The following NPAT variants were observed in gnomAD, a reference collection of about 807,000 sequenced individuals.
NPAT encodes the protein protein NPAT.
In NPAT, 52 loss-of-function variants were observed where a neutral mutation model predicts 130.7. That is an observed-to-expected ratio of 0.40 (90% confidence interval 0.32 to 0.50). The LOEUF is 0.50. Among genes scored for constraint, NPAT ranks in the 20% least tolerant of loss-of-function variants. NPAT has a pLI of 0.68. For synonymous variants in NPAT, 580 were observed against 584.8 expected (o/e 0.99, Z 0.12); for missense variants, 1,687 against 1,662.6 (o/e 1.01, Z -0.26).
chr11:108,165,470 A>G (rs56789301), intron 15 of NPAT, among the ~76,000 whole-genome samples: 6 of 117,862 alleles, frequency 5.1e-5, no homozygotes, highest in African/African-American at 2.0e-4. Context: ...ATATATATAT[A>G]TATTTTTTTT....
chr11:108,194,466 TTTG>T (rs1402782136), intron 2 of NPAT, among the ~76,000 whole-genome samples: 1 of 152,216 alleles, frequency 6.6e-6, no homozygotes, highest in Non-Finnish European at 1.5e-5. Flanking sequence ...CTATCTACAA[TTTG>T]TTATTTGTTC....
intron 15 of NPAT, among the ~76,000 whole-genome samples, chr11:108,163,765 A>G (rs2077875450): frequency 6.6e-6 from 1 of 152,222 alleles, no homozygotes; most frequent in South Asian, 2.1e-4. Context: ...AAGTAAGGTA[A>G]GAATGGAAAA....
Position 108,161,419 on chromosome 11 carries a change from C to A in NPAT, c.3667G>T (p.Val1223Leu). 1 of 1,614,204 alleles carries A rather than the reference C, an allele frequency of 6.2e-7. No homozygotes were observed. The highest frequency in any genetic ancestry group is 1.1e-5 in the South Asian group (1 of 91,082). ...TTTAGATCCTTCACAGCTGTACCTA[C>A]TGAAAGTACATTTTTATTGTTTGAA... is the stretch of plus-strand genomic sequence containing the variant. ...TSSNNKNVLS[V>L]GTAVKDLKQE... The change falls in exon 17 of 18, where the codon GTA becomes TTA. Residue 1223 changes from valine (V) to leucine (L), a missense_variant. Physicochemically the swap from Val to Leu is conservative, Grantham distance 32. Transcript: ENST00000278612.
At chr11:108,165,885 G>A (rs895840121) in intron 15 of NPAT, among the ~76,000 whole-genome samples, 2 of 150,988 alleles carry the variant, frequency 1.3e-5, no homozygotes, top group Admixed American at 6.6e-5. Context: ...CGCCTGCCTC[G>A]GCCTCCCAAA....
chr11:108,218,289 C>T (rs917002106), intron 1 of NPAT, among the ~76,000 whole-genome samples: 1 of 151,592 alleles, frequency 6.6e-6, no homozygotes, highest in Non-Finnish European at 1.5e-5. Context: ...GGGAAACAAC[C>T]GAAAAAGAGA....
intron 1 of NPAT, among the ~76,000 whole-genome samples, chr11:108,199,128 G>A (rs1342207047): frequency 1.3e-5 from 2 of 152,180 alleles, no homozygotes; most frequent in Admixed American, 6.5e-5. Context: ...TGCTGTGGGC[G>A]GTGGGAAGGA....
chr11:108,216,594 A>T (rs568098910), intron 1 of NPAT, among the ~76,000 whole-genome samples: 3 of 152,242 alleles, frequency 2.0e-5, no homozygotes, highest in African/African-American at 7.2e-5. Flanking sequence ...CCCAGACAGA[A>T]TACAGTGATA....
chr11:108,173,027 C>G lies in NPAT; in HGVS notation c.1957G>C (p.Ala653Pro), dbSNP rs1344865133. ...TCCTGTGAATTCTCAGACTTGGATG[C>G]CTGAGCTTCATTTTCTGTATGATTT... ...ELNHTENEAQ[A>P]SKSENSQEPS... Residue 653 changes from alanine to proline, a missense_variant, in exon 13 of 18, where the codon GCA becomes CCA. Ala to Pro is a conservative substitution (Grantham distance 27). Coordinates refer to ENST00000278612, the MANE Select transcript of NPAT (RefSeq NM_002519.3). 1 of 1,613,772 alleles carries G rather than the reference C, an allele frequency of 6.2e-7. No individual in the cohort carries two copies. The highest frequency in any genetic ancestry group is 8.5e-7 in the Non-Finnish European group (1 of 1,179,800).
At chr11:108,200,114 T>C (rs996274187) in intron 1 of NPAT, among the ~76,000 whole-genome samples, 3 of 152,166 alleles carry the variant, frequency 2.0e-5, no homozygotes, top group Non-Finnish European at 4.4e-5. Flanking sequence ...GGGCAAGAGG[T>C]TATTTCCCTC....
chr11:108,218,803 G>C (rs1281540769), intron 1 of NPAT, among the ~76,000 whole-genome samples: 2 of 152,142 alleles, frequency 1.3e-5, no homozygotes, highest in African/African-American at 2.4e-5. Context: ...GTCCAGTTTG[G>C]ATGCAGCACA....
At chr11:108,176,876 T>C (rs751863073) in intron 11 of NPAT, 118 bp downstream of exon 11, 16 of 683,928 alleles carry the variant, frequency 2.3e-5, no homozygotes, top group Middle Eastern at 3.3e-4. Context: ...TAATGTTTGA[T>C]GAAATGAAAA....
In NPAT at chr11:108,162,018, A is replaced by C; in HGVS notation, c.3072-4T>G. The stretch of plus-strand genomic sequence containing the variant: ...ACTTTTGTCAGAAACTTCAGTTCTA[A>C]AACAAAACAAAACAAAACTATTTCT... On this transcript the variant is annotated splice_polypyrimidine_tract_variant and splice_region_variant and intron_variant, in intron 16 of 17. Transcript: ENST00000278612. 2 of 1,610,478 alleles carry C rather than the reference A, an allele frequency of 1.2e-6. No individual in the cohort carries two copies. The highest frequency in any genetic ancestry group is 1.7e-6 in the Non-Finnish European group (2 of 1,178,698).
Position 108,185,384 on chromosome 11 carries a change from T to G in NPAT, c.818+19A>C. On this transcript the variant is annotated intron_variant, in intron 9 of 17. Coordinates refer to ENST00000278612, the MANE Select transcript of NPAT (RefSeq NM_002519.3). ...AATTAGGCAAAAACAATTAGGCATT[T>G]TAAACATATATAGCTTACCTAGTTA... 1 of 1,581,572 alleles carries G rather than the reference T, an allele frequency of 6.3e-7. No individual in the cohort carries two copies. Among genetic ancestry groups the G allele is most frequent in the Non-Finnish European group, 8.7e-7 (1 of 1,152,576 alleles).
At chr11:108,213,920 C>T in intron 1 of NPAT, among the ~76,000 whole-genome samples, 1 of 152,094 alleles carries the variant, frequency 6.6e-6, no homozygotes, top group Non-Finnish European at 1.5e-5. Context: ...CAGAGTCTTG[C>T]TCTGTCACCC....
At chr11:108,188,732 G>C (rs541123926) in intron 6 of NPAT, among the ~76,000 whole-genome samples, 1 of 152,326 alleles carries the variant, frequency 6.6e-6, no homozygotes, top group African/African-American at 2.4e-5. Flanking sequence ...AACATGTAAA[G>C]ATAGAGAAGT....
chr11:108,214,884 C>T (rs1171510226), intron 1 of NPAT, among the ~76,000 whole-genome samples: 5 of 152,234 alleles, frequency 3.3e-5, no homozygotes, highest in Non-Finnish European at 5.9e-5. Flanking sequence ...TTGCCCGCCT[C>T]GGCCTCCCAA....
At chr11:108,176,445 T>C (rs2078007237) in intron 11 of NPAT, 71 bp from the exon 12 acceptor site, 2 of 1,133,712 alleles carry the variant, frequency 1.8e-6, no homozygotes, top group East Asian at 4.7e-5. Context: ...ATACAGCTTG[T>C]TGGTGATTAC....
At chr11:108,174,629 T>G (rs1159198165) in intron 12 of NPAT, among the ~76,000 whole-genome samples, 2 of 150,896 alleles carry the variant, frequency 1.3e-5, no homozygotes, top group Non-Finnish European at 3.0e-5. Flanking sequence ...TTTTTTTTTT[T>G]TTGAGACAGA....
At position 108,214,021 on chromosome 11, in the gene NPAT, A is replaced by G. The variant is rs548651864; in HGVS notation, c.37+8479T>C. Among the ~76,000 whole-genome samples, 11 of 152,208 alleles carry G rather than the reference A, an allele frequency of 7.2e-5. No homozygotes were observed. The East Asian group carries it at 1.9e-3, about 27-fold the overall frequency. On this transcript the variant is annotated intron_variant, in intron 1 of 17. Coordinates refer to ENST00000278612, the MANE Select transcript of NPAT (RefSeq NM_002519.3). ...TCCCACTTCAGCCAACCCAGTAGCTAGGACTAGAGGCATGTACCACCAAAT... is the reference window on the plus strand; with the variant it reads ...TCCCACTTCAGCCAACCCAGTAGCTGGGACTAGAGGCATGTACCACCAAAT...
Sources: gnomAD v4.1 joint callset for allele counts (sites outside exome capture counted in the v4.1 genomes callset) on GRCh38, gnomAD v4.1.1 for gene constraint, MANE v1.5 for transcripts, NCBI Gene and HGNC (gene_info 2026-07-23, HGNC 2026-07-21) for gene names.